MANBA: variants seen among roughly 807,000 people sequenced by gnomAD.
MANBA encodes the protein beta-mannosidase.
A neutral mutation model predicts 111.1 loss-of-function variants in MANBA; 83 were observed. The ratio of observed to expected loss-of-function variants is 0.75; its 90% CI spans 0.63 to 0.90. The LOEUF is 0.90. Among genes scored for constraint, MANBA ranks in the 40% least tolerant of loss-of-function variants. The pLI is 0.00. For missense variants in MANBA, 1,036 were observed against 1,069.0 expected (o/e 0.97, Z 0.43); for synonymous variants, 370 against 378.7 (o/e 0.98, Z 0.27).
chr4:102,695,245 G>A (rs1435330619), intron 5 of MANBA, among the ~76,000 whole-genome samples: 1 of 151,910 alleles, frequency 6.6e-6, no homozygotes, highest in Non-Finnish European at 1.5e-5. Flanking sequence ...TTATTAAGAT[G>A]TAGTTGGAGG....
At chr4:102,760,072 T>C (rs983747687) in intron 1 of MANBA, among the ~76,000 whole-genome samples, 6 of 146,544 alleles carry the variant, frequency 4.1e-5, no homozygotes, top group Non-Finnish European at 7.5e-5. Context: ...GTCTGTAAAT[T>C]GGAGACTCCA....
intron 5 of MANBA, among the ~76,000 whole-genome samples, chr4:102,704,108 C>CAAA (rs1560785477): frequency 2.6e-5 from 4 of 151,182 alleles, no homozygotes; most frequent in Admixed American, 6.6e-5. Context: ...AAAAAAAAAC[C>CAAA]AAAAAATTTG....
chr4:102,723,825 A>G, intron 3 of MANBA, 37 bp downstream of exon 3: 1 of 1,199,036 alleles, frequency 8.3e-7, no homozygotes, highest in Non-Finnish European at 1.2e-6. Context: ...ATAAACACAC[A>G]TAAATTTTTT....
rs1205252679 is a variant in MANBA at position 102,674,215 on chromosome 4, A to G, written c.961-145T>C. 6 of 645,044 alleles carry G rather than the reference A, an allele frequency of 9.3e-6. No homozygotes were observed. The South Asian group carries it at 9.5e-5, about 10-fold the overall frequency. 40.0% of individuals were successfully genotyped at this position (645,044 alleles called of 1,614,324 possible). ...TTACTATGAAGCACATAATGTGGAA[A>G]TGCACATTTCAGGAATATACACATA... On this transcript the variant is annotated intron_variant, in intron 7 of 16. Transcript: ENST00000647097.
intron 2 of MANBA, among the ~76,000 whole-genome samples, chr4:102,726,216 A>G (rs1465266018): frequency 2.0e-5 from 3 of 152,144 alleles, no homozygotes; most frequent in Non-Finnish European, 4.4e-5. Context: ...ATAATAACAG[A>G]ACATTACTGA....
intron 12 of MANBA, among the ~76,000 whole-genome samples, chr4:102,654,985 T>C (rs1371048527): frequency 1.3e-5 from 2 of 152,162 alleles, no homozygotes; most frequent in Non-Finnish European, 2.9e-5. Context: ...ATAAATGAGA[T>C]CAGCCACTTT....
intron 5 of MANBA, among the ~76,000 whole-genome samples, chr4:102,705,412 A>G (rs1336968957): frequency 6.6e-6 from 1 of 152,088 alleles, no homozygotes; most frequent in Non-Finnish European, 1.5e-5. Context: ...ACATCTCCAC[A>G]TTCCTGGAGA....
chr4:102,709,932 G>T (rs1266957451), intron 5 of MANBA, among the ~76,000 whole-genome samples: 1 of 152,112 alleles, frequency 6.6e-6, no homozygotes, highest in Non-Finnish European at 1.5e-5. Flanking sequence ...CTCAACAGAT[G>T]CAGAAAAAGC....
intron 1 of MANBA, among the ~76,000 whole-genome samples, chr4:102,758,426 C>T (rs1205273919): frequency 2.6e-5 from 4 of 152,098 alleles, no homozygotes; most frequent in Non-Finnish European, 2.9e-5. Flanking sequence ...CTACTATAAA[C>T]GGTAGAATAT....
At position 102,657,756 on chromosome 4, in the gene MANBA, T is replaced by G. The variant is rs773984946; in HGVS notation, c.1630A>C (p.Lys544Gln). Residue 544 changes from lysine to glutamine, a missense_variant, in exon 12 of 17, where the codon AAA becomes CAA. Transcript: ENST00000647097. Reference sequence around the variant, plus strand: ...GCAAATCGAGCTTTTGGGAAAACTTTCCAGTTCCAGCAATCACTGATATAG... The same window carrying G: ...GCAAATCGAGCTTTTGGGAAAACTTGCCAGTTCCAGCAATCACTGATATAG... ...YDYISDCWNWKVFPKARFASE... is the reference protein window; with the variant it reads ...YDYISDCWNWQVFPKARFASE... The G allele has an allele frequency of 1.2e-6, 2 of 1,613,826 alleles. No individual in the cohort carries two copies. Among genetic ancestry groups the G allele is most frequent in the African/African-American group, 1.3e-5 (1 of 74,908 alleles).
At chr4:102,713,911 A>AG (rs1553951275) in intron 5 of MANBA, among the ~76,000 whole-genome samples, 4 of 151,482 alleles carry the variant, frequency 2.6e-5, no homozygotes, top group Admixed American at 6.6e-5. Flanking sequence ...AAAAAAAAAA[A>AG]AAAAGAAAAG....
chr4:102,633,360 C>G (rs1361686832), intron 16 of MANBA: 3 of 398,604 alleles, frequency 7.5e-6, no homozygotes, highest in Non-Finnish European at 1.3e-5. Flanking sequence ...TCTGCTGCTC[C>G]AAGACCAAGG....
At chr4:102,729,426 G>T in intron 1 of MANBA, 2 of 1,237,202 alleles carry the variant, frequency 1.6e-6, no homozygotes, top group Non-Finnish European at 2.3e-6. Context: ...AGCGGCTGTT[G>T]TCCATGGGCA....
intron 1 of MANBA, among the ~76,000 whole-genome samples, chr4:102,745,042 T>C (rs933143190): frequency 1.3e-5 from 2 of 152,010 alleles, no homozygotes; most frequent in Non-Finnish European, 2.9e-5. Flanking sequence ...AGGAAGGAAG[T>C]CAGACCTGTA....
At chr4:102,700,486 G>T (rs1160608549) in intron 5 of MANBA, among the ~76,000 whole-genome samples, 1 of 151,890 alleles carries the variant, frequency 6.6e-6, no homozygotes, top group Non-Finnish European at 1.5e-5. Flanking sequence ...GCTTTCTCTT[G>T]TGGGCATTTA....
intron 7 of MANBA, among the ~76,000 whole-genome samples, chr4:102,685,751 C>CTA (rs1372922645): frequency 6.6e-6 from 1 of 152,050 alleles, no homozygotes; most frequent in Non-Finnish European, 1.5e-5. Flanking sequence ...CAAAGAACTC[C>CTA]TATATATAAT....
At chr4:102,731,046 C>T (rs1334936456) in intron 1 of MANBA, among the ~76,000 whole-genome samples, 1 of 152,116 alleles carries the variant, frequency 6.6e-6, no homozygotes, top group African/African-American at 2.4e-5. Context: ...CCAACCCCAG[C>T]CCAAGGGGGA....
At chr4:102,723,370 G>A (rs778260242) in intron 3 of MANBA, among the ~76,000 whole-genome samples, 4 of 152,124 alleles carry the variant, frequency 2.6e-5, no homozygotes, top group Non-Finnish European at 5.9e-5. Flanking sequence ...CTTATATGTG[G>A]CCTTGAACTG....
intron 1 of MANBA, chr4:102,730,535 T>C (rs1265316114): frequency 9.4e-6 from 5 of 531,810 alleles, no homozygotes; most frequent in Admixed American, 3.9e-5. Context: ...TATAGATTTT[T>C]CTATGAGAAA....
Sources: gnomAD v4.1 joint callset for allele counts (sites outside exome capture counted in the v4.1 genomes callset) on GRCh38, gnomAD v4.1.1 for gene constraint, MANE v1.5 for transcripts, NCBI Gene and HGNC (gene_info 2026-07-23, HGNC 2026-07-21) for gene names.